DSG2: variants seen among roughly 807,000 people sequenced by gnomAD.
DSG2 encodes desmoglein 2.
A neutral mutation model predicts 75.6 loss-of-function variants in DSG2; 45 were observed. The ratio of observed to expected loss-of-function variants is 0.60; its 90% CI spans 0.47 to 0.76. DSG2 has a LOEUF of 0.76. DSG2 is among the 30% of genes least tolerant of loss of function. The pLI is 0.00. For missense variants in DSG2, 1,267 were observed against 1,357.4 expected, an observed-to-expected ratio of 0.93 and a Z score of 1.05; for synonymous variants, 429 against 483.9, an observed-to-expected ratio of 0.89 and a Z score of 1.49.
At chr18:31,532,507 T>TGCAGCAAGA (rs1279148981) in intron 9 of DSG2, among the ~76,000 whole-genome samples, 74 of 152,230 alleles carry the variant, frequency 4.9e-4, no homozygotes, top group Non-Finnish European at 1.5e-4. Context: ...CATCGCCAAG[T>TGCAGCAAGA]GTAGCAAGAA....
intron 1 of DSG2, among the ~76,000 whole-genome samples, chr18:31,498,693 C>T (rs1234722520): frequency 6.6e-6 from 1 of 152,144 alleles, no homozygotes; most frequent in East Asian, 1.9e-4. Flanking sequence ...CGCGCTTCTT[C>T]CACGTTCCTT....
chr18:31,519,396 G>A lies in DSG2; in HGVS notation c.82-407G>A, dbSNP rs546964439. ...TTAGGCAACATGGTGAAACCCCATA[G>A]CTACTAAAAATACAAAAATTAGCCA... On this transcript the variant is annotated intron_variant, in intron 2 of 14. Coordinates refer to ENST00000261590, the MANE Select transcript of DSG2 (RefSeq NM_001943.5). 1.5e-3 allele frequency among the ~76,000 whole-genome samples: 223 copies of A among 152,046 alleles called. 2 individuals carry two copies. The highest frequency in any genetic ancestry group is 3.4e-3 in the Middle Eastern group (1 of 294).
At chr18:31,504,881 C>T (rs1158126949) in intron 1 of DSG2, among the ~76,000 whole-genome samples, 1 of 152,194 alleles carries the variant, frequency 6.6e-6, no homozygotes, top group Non-Finnish European at 1.5e-5. Flanking sequence ...CTATTATCCC[C>T]ACACAGGGCA....
chr18:31,504,693 A>G (rs537091748), intron 1 of DSG2, among the ~76,000 whole-genome samples: 1 of 152,312 alleles, frequency 6.6e-6, no homozygotes, highest in South Asian at 2.1e-4. Context: ...CCCAGTGGCC[A>G]GGCAATCCAT....
At chr18:31,502,407 CA>C (rs1269201739) in intron 1 of DSG2, among the ~76,000 whole-genome samples, 4 of 152,172 alleles carry the variant, frequency 2.6e-5, no homozygotes, top group Non-Finnish European at 4.4e-5. Context: ...AAAAATTACA[CA>C]TTGAATAGGG....
chr18:31,538,983 G>A lies in DSG2; in HGVS notation c.1879+5G>A. 5.0e-6 allele frequency: 8 copies of A among 1,612,450 alleles called. No homozygotes were observed. The highest frequency in any genetic ancestry group is 6.8e-6 in the Non-Finnish European group (8 of 1,179,910). ...TGGCCTTTCTGCTCCTGCTATGTAA[G>A]TCTTTAAAAGCCACTCTGTTGTGCT... On this transcript the variant is annotated splice_donor_5th_base_variant and intron_variant, in intron 12 of 14. Coordinates refer to ENST00000261590, the MANE Select transcript of DSG2 (RefSeq NM_001943.5).
intron 14 of DSG2, 53 bp from the exon 15 acceptor site, chr18:31,545,668 T>C: frequency 6.3e-7 from 1 of 1,588,646 alleles, no homozygotes; most frequent in Non-Finnish European, 8.6e-7. Flanking sequence ...AATGAATTTA[T>C]ATTGCTAATT....
rs2290129 is a variant in DSG2 at position 31,541,558 on chromosome 18, G to C, written c.2001+244G>C. 0.22 allele frequency among the ~76,000 whole-genome samples: 33,283 copies of C among 152,200 alleles called. 4,423 individuals carry two copies. Among genetic ancestry groups the C allele is most frequent in the East Asian group, 0.46 (2,382 of 5,168 alleles). On this transcript the variant is annotated intron_variant, in intron 13 of 14. Transcript: ENST00000261590. ...GTAGAGAATGTAGAGCAAGGTTCAGGAAGAGCAAGAGTGTGTAGGAATCTA... is the reference window on the plus strand; with the variant it reads ...GTAGAGAATGTAGAGCAAGGTTCAGCAAGAGCAAGAGTGTGTAGGAATCTA...
intron 6 of DSG2, among the ~76,000 whole-genome samples, chr18:31,523,282 T>G (rs1177150344): frequency 6.6e-6 from 1 of 152,062 alleles, no homozygotes; most frequent in Non-Finnish European, 1.5e-5. Flanking sequence ...GCACCTGTAG[T>G]CCCAGCTACT....
At chr18:31,504,305 CAA>C (rs1056526573) in intron 1 of DSG2, among the ~76,000 whole-genome samples, 3 of 152,144 alleles carry the variant, frequency 2.0e-5, no homozygotes, top group African/African-American at 7.2e-5. Context: ...ACAATGCAAA[CAA>C]AAACATTAAA....
chr18:31,516,211 T>C (rs2073093550), intron 1 of DSG2, among the ~76,000 whole-genome samples: 1 of 152,206 alleles, frequency 6.6e-6, no homozygotes, highest in South Asian at 2.1e-4. Context: ...AATGTATTGA[T>C]TAGCCAATGG....
Position 31,541,181 on chromosome 18 carries a change from GT to G in DSG2, c.1880-11del. The G allele has an allele frequency of 6.2e-7, 1 of 1,614,134 alleles. No homozygotes were observed. The highest frequency in any genetic ancestry group is 8.5e-7 in the Non-Finnish European group (1 of 1,179,982). On this transcript the variant is annotated splice_polypyrimidine_tract_variant and intron_variant, in intron 12 of 14. Transcript: ENST00000261590. ...GTTAACCTTATCTGTGTTCAATTTT[GT>G]GTCTGTACAGTGGTACCACTTTTAC...
chr18:31,538,670 A>C (rs2073246759), intron 11 of DSG2, 81 bp from the exon 12 acceptor site: 1 of 1,126,160 alleles, frequency 8.9e-7, no homozygotes, highest in Non-Finnish European at 1.3e-6. Flanking sequence ...ATCAGCAATG[A>C]AAGAACATTT....
rs200461733 is a variant in DSG2 at position 31,522,283 on chromosome 18, C to T, written c.690+34C>T. ...ATATGTTATGTTGCCCATCTTTAAA[C>T]TCTCTATCCTTTCCAGTTTCTCCTC... On this transcript the variant is annotated intron_variant, in intron 6 of 14. Transcript: ENST00000261590. The T allele has an allele frequency of 6.6e-5, 104 of 1,584,322 alleles. No homozygotes were observed. In the African/African-American group the frequency reaches 1.0e-3, roughly 15 times the overall value.
In DSG2 at chr18:31,536,391, C is replaced by G. The variant is rs372178321; in HGVS notation, c.1613C>G (p.Pro538Arg). Residue 538 changes from proline to arginine, a missense_variant, in exon 11 of 15, where the codon CCT becomes CGT. Physicochemically the swap from Pro to Arg is moderately radical, Grantham distance 103 (BLOSUM62 -2). Coordinates refer to ENST00000261590, the MANE Select transcript of DSG2 (RefSeq NM_001943.5). ...PFSFSVIDKP[P>R]GMAEKWKIAR... The stretch of plus-strand genomic sequence containing the variant: ...AGTTTCTCCGTCATTGACAAACCAC[C>G]TGGCATGGCAGAAAAATGGAAAATA... 2 of 1,613,994 alleles carry G rather than the reference C, an allele frequency of 1.2e-6. No homozygotes were observed. The highest frequency in any genetic ancestry group is 1.3e-5 in the African/African-American group (1 of 74,912).
intron 11 of DSG2, 140 bp from the exon 12 acceptor site, chr18:31,538,611 A>T (rs1046478154): frequency 2.5e-6 from 2 of 794,482 alleles, no homozygotes; most frequent in Non-Finnish European, 4.3e-6. Context: ...TAATGAGCAC[A>T]CTTCAATAAG....
At position 31,522,196 on chromosome 18, in the gene DSG2, CTAAA is replaced by C. The variant is rs1274327278; in HGVS notation, c.642_645del (p.Asn214LysfsTer23). 1 of 1,613,720 alleles carries C rather than the reference CTAAA, an allele frequency of 6.2e-7. No homozygotes were observed. The highest frequency in any genetic ancestry group is 8.5e-7 in the Non-Finnish European group (1 of 1,179,834). The stretch of plus-strand genomic sequence containing the variant: ...GCCTGCTTATCCTCCAGTGTTCTAC[CTAAA>C]TAAAGATACAGGAGAGATTTATACA... On this transcript the variant is annotated frameshift_variant, in exon 6 of 15. Transcript: ENST00000261590. LOFTEE classifies it high-confidence loss of function.
intron 1 of DSG2, among the ~76,000 whole-genome samples, chr18:31,501,520 C>T (rs2144283409): frequency 6.6e-6 from 1 of 152,304 alleles, no homozygotes; most frequent in Admixed American, 6.5e-5. Flanking sequence ...GGGCCATGCT[C>T]CCTCTGAAAC....
chr18:31,511,887 C>G (rs2073069116), intron 1 of DSG2, among the ~76,000 whole-genome samples: 1 of 152,146 alleles, frequency 6.6e-6, no homozygotes, highest in Non-Finnish European at 1.5e-5. Context: ...CCTACGATCC[C>G]CCTGATAGCC....
Sources: allele counts gnomAD v4.1 joint callset (sites outside exome capture counted in the v4.1 genomes callset), GRCh38; gene constraint gnomAD v4.1.1; transcripts MANE v1.5; gene names NCBI Gene and HGNC (gene_info 2026-07-23, HGNC 2026-07-21).